The following DDIT4 variants were observed in gnomAD, a reference collection of about 807,000 sequenced individuals.
The protein encoded by DDIT4 is DNA damage-inducible transcript 4 protein.
DDIT4 carries 20 observed loss-of-function variants against 20.2 expected under a neutral mutation model. The ratio of observed to expected loss-of-function variants is 0.99; its 90% CI spans 0.70 to 1.44. The LOEUF (loss-of-function observed/expected upper bound fraction) is 1.44. Ranked by LOEUF, DDIT4 falls within the 40% of genes most tolerant of loss-of-function variation. DDIT4 has a pLI of 0.00. For missense variants in DDIT4, 316 were observed against 298.1 expected, an observed-to-expected ratio of 1.06 and a Z score of -0.44; for synonymous variants, 152 against 144.6, an observed-to-expected ratio of 1.05 and a Z score of -0.37.
At chr10:72,274,496 G>C in intron 2 of DDIT4, 75 bp downstream of exon 2, 6 of 1,457,310 alleles carry the variant, frequency 4.1e-6, no homozygotes, top group Non-Finnish European at 5.5e-6. Context: ...GAAGGGGTCA[G>C]AGCCGCCTTG....
chr10:72,274,320 G>T lies in DDIT4; in HGVS notation c.104G>T (p.Gly35Val). 1 of 1,612,730 alleles carries T rather than the reference G, an allele frequency of 6.2e-7. No homozygotes were observed. The highest frequency in any genetic ancestry group is 8.5e-7 in the Non-Finnish European group (1 of 1,179,976). ...TPDRPPRSAWGSATREEGFDR... is the reference protein window; with the variant it reads ...TPDRPPRSAWVSATREEGFDR... ...GATCGGCCGCCGCGCTCAGCCTGGG[G>T]GTCGGCGACCCGGGAGGAGGGGTTT... Residue 35 changes from glycine to valine, a missense_variant, in exon 2 of 3, where the codon GGG (glycine) becomes GTG (valine). Coordinates refer to ENST00000307365, the MANE Select transcript of DDIT4 (RefSeq NM_019058.4).
chr10:72,274,336 G>A lies in DDIT4; in HGVS notation c.120G>A (p.Glu40=). 6.2e-7 allele frequency: 1 copy of A among 1,612,038 alleles called. No individual in the cohort carries two copies. Among genetic ancestry groups the A allele is most frequent in the Non-Finnish European group, 8.5e-7 (1 of 1,179,936 alleles). ...CAGCCTGGGGGTCGGCGACCCGGGA[G>A]GAGGGGTTTGACCGCTCCACGAGCC... ...PRSAWGSATR[E]EGFDRSTSLE... The change falls in exon 2 of 3, where the codon GAG becomes GAA. Residue 40 remains glutamate (E), a synonymous_variant. Coordinates refer to ENST00000307365, the MANE Select transcript of DDIT4 (RefSeq NM_019058.4).
In DDIT4 at chr10:72,275,417, G is replaced by A; in HGVS notation, c.*229G>A. 1 of 546,456 alleles carries A rather than the reference G, an allele frequency of 1.8e-6. No homozygotes were observed. Among genetic ancestry groups the A allele is most frequent in the East Asian group, 3.0e-5 (1 of 32,808 alleles). The allele number at this position is 546,456 out of a possible 1,614,324, so 33.9% of individuals were successfully genotyped here. A position where few individuals can be genotyped will look rare whatever the true frequency, so the allele number is the denominator to read the frequency against. On this transcript the variant is annotated 3_prime_UTR_variant, in exon 3 of 3. Coordinates refer to ENST00000307365, the MANE Select transcript of DDIT4 (RefSeq NM_019058.4). ...CTCAGTACTGTAGCATGAAACAAAG[G>A]CTTAGGGGCCAACAAGGCTTCCAGC...
chr10:72,274,903 G>A lies in DDIT4; in HGVS notation c.414G>A (p.Glu138=). ...AACTACTGCGCCTGGCCTACAGCGA[G>A]CCGTGCGGCCTGCGGGGGGCGCTGC... ...GKELLRLAYS[E]PCGLRGALLD... The change falls in exon 3 of 3, where the codon GAG becomes GAA. Residue 138 remains glutamate, a synonymous_variant. Coordinates refer to ENST00000307365, the MANE Select transcript of DDIT4 (RefSeq NM_019058.4). 2 of 1,612,840 alleles carry A rather than the reference G, an allele frequency of 1.2e-6. No individual in the cohort carries two copies. Among genetic ancestry groups the A allele is most frequent in the Non-Finnish European group, 1.7e-6 (2 of 1,179,898 alleles).
chr10:72,274,135 C>A, intron 1 of DDIT4, 22 bp from the exon 2 acceptor site: 1 of 1,118,500 alleles, frequency 8.9e-7, no homozygotes, highest in South Asian at 1.2e-5. Flanking sequence ...GACGCCTGGT[C>A]GGTCCCCCTC....
In DDIT4 at chr10:72,274,798, C is replaced by T; in HGVS notation, c.309C>T (p.Ser103=). ...CANLMQLLQE[S]LAQARLGSRR... ...ACCTGATGCAGCTGCTGCAGGAGAG[C>T]CTGGCCCAGGCGCGGCTGGGCTCTC... is the stretch of plus-strand genomic sequence containing the variant. The change falls in exon 3 of 3, where the codon AGC becomes AGT. Residue 103 remains serine (S), a synonymous_variant. Coordinates refer to ENST00000307365, the MANE Select transcript of DDIT4 (RefSeq NM_019058.4). 1 of 1,613,952 alleles carries T rather than the reference C, an allele frequency of 6.2e-7. No individual in the cohort carries two copies. Among genetic ancestry groups the T allele is most frequent in the Non-Finnish European group, 8.5e-7 (1 of 1,180,036 alleles).
intron 2 of DDIT4, 86 bp from the exon 3 acceptor site, chr10:72,274,609 T>C (rs910615617): frequency 4.0e-6 from 6 of 1,496,716 alleles, no homozygotes; most frequent in Non-Finnish European, 4.5e-6. Context: ...GGAGCGTTGG[T>C]TTCTTAAGGA....
At chr10:72,274,660 C>G in intron 2 of DDIT4, 35 bp from the exon 3 acceptor site, 1 of 1,570,794 alleles carries the variant, frequency 6.4e-7, no homozygotes, top group Non-Finnish European at 8.6e-7. Flanking sequence ...TTTGAAGCCG[C>G]TCTAATACCC....
chr10:72,274,850 A>G lies in DDIT4; in HGVS notation c.361A>G (p.Ser121Gly). 5 of 1,613,540 alleles carry G rather than the reference A, an allele frequency of 3.1e-6. No individual in the cohort carries two copies. Among genetic ancestry groups the G allele is most frequent in the Non-Finnish European group, 3.4e-6 (4 of 1,180,002 alleles). Reference protein sequence around the residue: ...SRRPARLLMPSQLVSQVGKEL... With the variant: ...SRRPARLLMPGQLVSQVGKEL... ...ACGCCCTGCGCGCCTGCTGATGCCT[A>G]GCCAGTTGGTAAGCCAGGTGGGCAA... The change falls in exon 3 of 3, where the codon AGC becomes GGC. Residue 121 changes from serine (S) to glycine (G), a missense_variant. Physicochemically the swap from Ser to Gly is moderately conservative, Grantham distance 56. Transcript: ENST00000307365.
chr10:72,275,425 G>A lies in DDIT4; in HGVS notation c.*237G>A. 3.8e-6 allele frequency: 2 copies of A among 530,658 alleles called. No homozygotes were observed. The highest frequency in any genetic ancestry group is 6.7e-6 in the Non-Finnish European group (2 of 297,914). The allele number at this position is 530,658 out of a possible 1,614,324, so 32.9% of individuals were successfully genotyped here. On this transcript the variant is annotated 3_prime_UTR_variant, in exon 3 of 3. Transcript: ENST00000307365. ...TGTAGCATGAAACAAAGGCTTAGGG[G>A]CCAACAAGGCTTCCAGCTGGATGTG...
Position 72,275,132 on chromosome 10 carries a change from C to G in DDIT4, c.643C>G (p.Arg215Gly). 2 of 1,613,062 alleles carry G rather than the reference C, an allele frequency of 1.2e-6. No individual in the cohort carries two copies. The highest frequency in any genetic ancestry group is 1.7e-6 in the Non-Finnish European group (2 of 1,179,952). The stretch of plus-strand genomic sequence containing the variant: ...GTCCCTGACGCTGAGCACTGGCTTC[C>G]GAGTCATCAAGAAGAAGCTGTACAG... ...SQSLTLSTGF[R>G]VIKKKLYSSE... The change falls in exon 3 of 3, where the codon CGA becomes GGA. Residue 215 changes from arginine (R) to glycine (G), a missense_variant. Physicochemically the swap from Arg to Gly is moderately radical, Grantham distance 125. Transcript: ENST00000307365.
At chr10:72,274,111 C>G (rs1860795850) in intron 1 of DDIT4, 46 bp from the exon 2 acceptor site, 2 of 907,914 alleles carry the variant, frequency 2.2e-6, no homozygotes, top group Non-Finnish European at 1.8e-6. Context: ...CTGGTCTGGT[C>G]TGGTCCCCAG....
In DDIT4 at chr10:72,273,976, C is replaced by T; in HGVS notation, c.-145C>T. On this transcript the variant is annotated 5_prime_UTR_variant, in exon 1 of 3. Coordinates refer to ENST00000307365, the MANE Select transcript of DDIT4 (RefSeq NM_019058.4). ...GTGGACCTGGGACGGGTCTGGGCGG[C>T]TCTCGGTGGTTGGCACGGGTTCGCA... 3.5e-6 allele frequency: 2 copies of T among 571,664 alleles called. No individual in the cohort carries two copies. The highest frequency in any genetic ancestry group is 3.0e-5 in the East Asian group (1 of 33,472). The allele number at this position is 571,664 out of a possible 1,614,324, so 35.4% of individuals were successfully genotyped here. A position where few individuals can be genotyped will look rare whatever the true frequency, so the allele number is the denominator to read the frequency against.
chr10:72,274,145 C>G lies in DDIT4; in HGVS notation c.-60-12C>G. ...AGACTGACGCCTGGTCGGTCCCCCT[C>G]TTGTCTTACAGCGGCTTCTACGCTC... On this transcript the variant is annotated splice_polypyrimidine_tract_variant and intron_variant, in intron 1 of 2. Coordinates refer to ENST00000307365, the MANE Select transcript of DDIT4 (RefSeq NM_019058.4). 2 of 1,277,790 alleles carry G rather than the reference C, an allele frequency of 1.6e-6. No individual in the cohort carries two copies. Among genetic ancestry groups the G allele is most frequent in the South Asian group, 2.4e-5 (2 of 84,482 alleles). 79.2% of individuals were successfully genotyped at this position (1,277,790 alleles called of 1,614,324 possible).
chr10:72,274,711 TG>T lies in DDIT4; in HGVS notation c.226del (p.Val76CysfsTer21). ...CCTTTCCAGACACGGCTTACCTGGATGGGGTGTCGTTGCCCGACTTCGAGCT... is the reference window on the plus strand; with the variant it reads ...CCTTTCCAGACACGGCTTACCTGGATGGGTGTCGTTGCCCGACTTCGAGCT... The part of the protein sequence containing the change: ...GPEEDTAYLD[G>X]VSLPDFELLS... On this transcript the variant is annotated frameshift_variant, in exon 3 of 3. Transcript: ENST00000307365. LOFTEE classifies it high-confidence loss of function. The T allele has an allele frequency of 6.2e-7, 1 of 1,610,678 alleles. No homozygotes were observed. The highest frequency in any genetic ancestry group is 8.5e-7 in the Non-Finnish European group (1 of 1,177,684).
chr10:72,274,245 C>T lies in DDIT4; in HGVS notation c.29C>T (p.Ser10Leu), dbSNP rs771705379. The T allele has an allele frequency of 6.2e-6, 10 of 1,613,790 alleles. No homozygotes were observed. The South Asian group carries it at 9.9e-5, about 16-fold the overall frequency. Residue 10 changes from serine to leucine, a missense_variant, in exon 2 of 3, where the codon TCG becomes TTG. Ser to Leu is a moderately radical substitution (Grantham distance 145). Transcript: ENST00000307365. Reference sequence around the variant, plus strand: ...CCTAGCCTTTGGGACCGCTTCTCGTCGTCGTCCACCTCCTCTTCGCCCTCG... The same window carrying T: ...CCTAGCCTTTGGGACCGCTTCTCGTTGTCGTCCACCTCCTCTTCGCCCTCG... MPSLWDRFS[S>L]SSTSSSPSSL...
chr10:72,274,316 TG>T lies in DDIT4; in HGVS notation c.105del (p.Ser36ArgfsTer61). The T allele has an allele frequency of 1.9e-6, 3 of 1,612,750 alleles. No homozygotes were observed. Among genetic ancestry groups the T allele is most frequent in the Non-Finnish European group, 1.7e-6 (2 of 1,179,934 alleles). On this transcript the variant is annotated frameshift_variant, in exon 2 of 3. Transcript: ENST00000307365. LOFTEE classifies it high-confidence loss of function. ...CCCAGATCGGCCGCCGCGCTCAGCCTGGGGGTCGGCGACCCGGGAGGAGGGG... is the reference window on the plus strand; with the variant it reads ...CCCAGATCGGCCGCCGCGCTCAGCCTGGGGTCGGCGACCCGGGAGGAGGGG... ...PTPDRPPRSAWGSATREEGFD... is the reference protein window; with the variant it reads ...PTPDRPPRSAXGSATREEGFD...
chr10:72,275,338 C>A lies in DDIT4; in HGVS notation c.*150C>A. The A allele has an allele frequency of 1.2e-6, 1 of 842,150 alleles. No homozygotes were observed. The highest frequency in any genetic ancestry group is 1.8e-6 in the Non-Finnish European group (1 of 556,116). 52.2% of individuals were successfully genotyped at this position (842,150 alleles called of 1,614,324 possible). On this transcript the variant is annotated 3_prime_UTR_variant, in exon 3 of 3. Coordinates refer to ENST00000307365, the MANE Select transcript of DDIT4 (RefSeq NM_019058.4). Reference sequence around the variant, plus strand: ...GGTGGAGGTGGGGGAATAGTGTTTCCCAGGAAGCTCATTGAGTTGTGTGCG... The same window carrying A: ...GGTGGAGGTGGGGGAATAGTGTTTCACAGGAAGCTCATTGAGTTGTGTGCG...
In DDIT4 at chr10:72,274,917, G is replaced by A. The variant is rs768266790; in HGVS notation, c.428G>A (p.Arg143Gln). 4 of 1,612,410 alleles carry A rather than the reference G, an allele frequency of 2.5e-6. No individual in the cohort carries two copies. The highest frequency in any genetic ancestry group is 3.4e-6 in the Non-Finnish European group (4 of 1,179,840). Reference sequence around the variant, plus strand: ...GCCTACAGCGAGCCGTGCGGCCTGCGGGGGGCGCTGCTGGACGTCTGCGTG... The same window carrying A: ...GCCTACAGCGAGCCGTGCGGCCTGCAGGGGGCGCTGCTGGACGTCTGCGTG... ...RLAYSEPCGL[R>Q]GALLDVCVEQ... Residue 143 changes from arginine to glutamine, a missense_variant, in exon 3 of 3, where the codon CGG (arginine) becomes CAG (glutamine). By Grantham distance (43) the Arg-to-Gln change is conservative. Coordinates refer to ENST00000307365, the MANE Select transcript of DDIT4 (RefSeq NM_019058.4).
Sources: allele counts gnomAD v4.1 joint callset, GRCh38; gene constraint gnomAD v4.1.1; transcripts MANE v1.5; gene names NCBI Gene and HGNC (gene_info 2026-07-23, HGNC 2026-07-21).